CLCA4: variants seen among roughly 807,000 people sequenced by gnomAD.
CLCA4 encodes the protein chloride channel accessory 4, also known as calcium-activated chloride channel regulator 4.
In CLCA4, 69 loss-of-function variants were observed where a neutral mutation model predicts 78.9. The ratio of observed to expected loss-of-function variants is 0.87; its 90% CI spans 0.72 to 1.07. CLCA4 has a LOEUF of 1.07. CLCA4 is among the 50% of genes least tolerant of loss of function. The pLI, the probability that CLCA4 is intolerant of heterozygous loss-of-function variation, is 0.00. For missense variants in CLCA4, 1,133 were observed against 1,095.8 expected, an observed-to-expected ratio of 1.03 and a Z score of -0.48; for synonymous variants, 362 against 375.8, an observed-to-expected ratio of 0.96 and a Z score of 0.42.
In CLCA4 at chr1:86,579,591, A is replaced by C; in HGVS notation, c.2356+4A>C. ...GATAATTTTGATGTTGGAAAAGGTA[A>C]GGATGAAGTGTCATGTGATTTTGAC... is the stretch of plus-strand genomic sequence containing the variant. On this transcript the variant is annotated splice_donor_region_variant and intron_variant, in intron 13 of 13. Coordinates refer to ENST00000370563, the MANE Select transcript of CLCA4 (RefSeq NM_012128.4). The C allele has an allele frequency of 7.2e-7, 1 of 1,379,818 alleles. No individual in the cohort carries two copies. Among genetic ancestry groups the C allele is most frequent in the East Asian group, 4.1e-5 (1 of 24,220 alleles). The allele number at this position is 1,379,818 out of a possible 1,614,324, so 85.5% of individuals were successfully genotyped here.
chr1:86,576,660 G>T (rs554364022), intron 11 of CLCA4, among the ~76,000 whole-genome samples: 1 of 152,042 alleles, frequency 6.6e-6, no homozygotes, highest in African/African-American at 2.4e-5. Flanking sequence ...TCTCTGGCAG[G>T]AAAAGAAAGC....
chr1:86,574,439 A>C, intron 9 of CLCA4, 101 bp from the exon 10 acceptor site: 1 of 885,036 alleles, frequency 1.1e-6, no homozygotes. Flanking sequence ...GTGGTCTGCC[A>C]TTTATAAGCT....
intron 1 of CLCA4, among the ~76,000 whole-genome samples, chr1:86,557,484 C>T (rs561978112): frequency 6.0e-4 from 91 of 152,072 alleles, no homozygotes; most frequent in Admixed American, 1.3e-3. Flanking sequence ...AAAAGTCATT[C>T]GGGAGCATGT....
intron 1 of CLCA4, chr1:86,553,075 A>G (rs1649713457): frequency 1.5e-6 from 1 of 687,244 alleles, no homozygotes; most frequent in Non-Finnish European, 2.6e-6. Context: ...CAAGTGGTCC[A>G]GCGGCGCCCA....
chr1:86,565,567 A>G (rs1650157885), intron 5 of CLCA4, 116 bp downstream of exon 5: 1 of 780,674 alleles, frequency 1.3e-6, no homozygotes, highest in African/African-American at 1.7e-5. Context: ...AGTTCTTTGA[A>G]CACTGGCTAA....
chr1:86,553,265 G>T (rs563188559), intron 1 of CLCA4: 5 of 862,570 alleles, frequency 5.8e-6, no homozygotes, highest in African/African-American at 3.4e-5. Context: ...ACGAGGACAC[G>T]GTCTTCAAGC....
At chr1:86,568,518 T>C (rs557979641) in intron 7 of CLCA4, among the ~76,000 whole-genome samples, 54 of 151,848 alleles carry the variant, frequency 3.6e-4, no homozygotes, top group African/African-American at 1.2e-3. Flanking sequence ...AAATCTTTAC[T>C]GTCTCTTCAC....
At chr1:86,556,725 C>T (rs1649858064) in intron 1 of CLCA4, among the ~76,000 whole-genome samples, 1 of 152,130 alleles carries the variant, frequency 6.6e-6, no homozygotes, top group South Asian at 2.1e-4. Flanking sequence ...GGATCCCTCC[C>T]TCCTCAAATT....
intron 1 of CLCA4, among the ~76,000 whole-genome samples, chr1:86,551,756 A>G (rs1346645523): frequency 3.9e-5 from 6 of 152,236 alleles, no homozygotes; most frequent in Admixed American, 6.5e-5. Context: ...CTGAAGACCA[A>G]CTGGTGCCCG....
At chr1:86,558,046 T>A (rs1649903319) in intron 1 of CLCA4, among the ~76,000 whole-genome samples, 1 of 152,132 alleles carries the variant, frequency 6.6e-6, no homozygotes, top group African/African-American at 2.4e-5. Flanking sequence ...GCTTGGTAGG[T>A]TTTCTCCATC....
chr1:86,560,403 A>G (rs1480494239), intron 3 of CLCA4, 45 bp downstream of exon 3: 1 of 1,599,946 alleles, frequency 6.3e-7, no homozygotes, highest in African/African-American at 1.3e-5. Context: ...ATTGCAGCAT[A>G]CAACTTTTTA....
rs79455835 is a variant in CLCA4, at chr1:86,552,877, T to G, written c.159+5599T>G. The G allele has an allele frequency of 6.8e-3, 4,836 of 712,916 alleles. 143 individuals carry two copies. The African/African-American group carries it at 0.07, about 10-fold the overall frequency. The allele number at this position is 712,916 out of a possible 1,614,324, so 44.2% of individuals were successfully genotyped here. ...ATCTGATCGAGTGATTTGCGAAAGC[T>G]TCCTCTGTTTTCTTGAGGGCCATCC... On this transcript the variant is annotated intron_variant, in intron 1 of 13. Coordinates refer to ENST00000370563, the MANE Select transcript of CLCA4 (RefSeq NM_012128.4).
chr1:86,552,622 G>A, intron 1 of CLCA4: 1 of 686,656 alleles, frequency 1.5e-6, no homozygotes, highest in Non-Finnish European at 2.6e-6. Context: ...CTCTGGTTCA[G>A]GTCTCCACCA....
intron 1 of CLCA4, among the ~76,000 whole-genome samples, chr1:86,550,463 T>C (rs1201444756): frequency 6.6e-6 from 1 of 152,066 alleles, no homozygotes; most frequent in Non-Finnish European, 1.5e-5. Context: ...ATTCAATTGT[T>C]TACAGGCATG....
chr1:86,562,624 G>T (rs955164126), intron 3 of CLCA4, among the ~76,000 whole-genome samples: 41 of 152,104 alleles, frequency 2.7e-4, no homozygotes, highest in African/African-American at 9.7e-4. Context: ...GGACGCTGAG[G>T]CGGGCAGATC....
chr1:86,577,449 G>A (rs1650552770), intron 11 of CLCA4, among the ~76,000 whole-genome samples: 2 of 152,074 alleles, frequency 1.3e-5, no homozygotes, highest in Non-Finnish European at 1.5e-5. Context: ...AGTAATTTTA[G>A]TTGACTGTTG....
At chr1:86,551,129 CCT>C (rs1649650142) in intron 1 of CLCA4, among the ~76,000 whole-genome samples, 1 of 152,018 alleles carries the variant, frequency 6.6e-6, no homozygotes, top group South Asian at 2.1e-4. Flanking sequence ...CCGCACCCAG[CCT>C]CTTTTTTTAA....
chr1:86,575,378 C>T lies in CLCA4; in HGVS notation c.1730C>T (p.Thr577Ile), dbSNP rs770115564. The T allele has an allele frequency of 6.2e-7, 1 of 1,613,300 alleles. No individual in the cohort carries two copies. Among genetic ancestry groups the T allele is most frequent in the Non-Finnish European group, 8.5e-7 (1 of 1,179,478 alleles). The change falls in exon 11 of 14, where the codon ACA becomes ATA. Residue 577 changes from threonine (T) to isoleucine (I), a missense_variant. Physicochemically the swap from Thr to Ile is moderately conservative, Grantham distance 89. Transcript: ENST00000370563. ...CTTCAAGCCAAAGCGAACCCAGAAA[C>T]ATTAACTATTACAGTAACTTCTCGA... ...YNLQAKANPE[T>I]LTITVTSRAA...
In CLCA4 at chr1:86,579,399, C is replaced by T. The variant is rs770911416; in HGVS notation, c.2168C>T (p.Thr723Ile). Residue 723 changes from threonine (T) to isoleucine (I), a missense_variant, in exon 13 of 14, where the codon ACT (threonine) becomes ATT (isoleucine). By Grantham distance (89) the Thr-to-Ile change is moderately conservative. Coordinates refer to ENST00000370563, the MANE Select transcript of CLCA4 (RefSeq NM_012128.4). ...NPPRPEIDEDTQTTLEDFSRT... is the reference protein window; with the variant it reads ...NPPRPEIDEDIQTTLEDFSRT... ...CCAAGACCTGAAATTGATGAGGATA[C>T]TCAGACCACCTTGGAGGATTTCAGC... 1.9e-6 allele frequency: 3 copies of T among 1,613,116 alleles called. No homozygotes were observed. Among genetic ancestry groups the T allele is most frequent in the African/African-American group, 1.3e-5 (1 of 74,848 alleles).
Sources: gnomAD v4.1 joint callset for allele counts (sites outside exome capture counted in the v4.1 genomes callset) on GRCh38, gnomAD v4.1.1 for gene constraint, MANE v1.5 for transcripts, NCBI Gene and HGNC (gene_info 2026-07-23, HGNC 2026-07-21) for gene names.